The following L3HYPDH variants were observed in gnomAD, a reference collection of about 807,000 sequenced individuals.
The protein encoded by L3HYPDH is trans-3-hydroxy-L-proline dehydratase.
A neutral mutation model predicts 26.5 loss-of-function variants in L3HYPDH; 32 were observed. The observed-to-expected ratio is 1.21, with a 90% CI of 0.91 to 1.62. L3HYPDH has a LOEUF of 1.62. L3HYPDH is among the 40% of genes most tolerant of loss of function. The probability of loss-of-function intolerance (pLI) is 0.00; values close to 1 mark genes in which losing one functional copy is unlikely to be tolerated. For missense variants in L3HYPDH, 554 were observed against 476.4 expected (o/e 1.16, Z -1.52); for synonymous variants, 215 against 196.6 (o/e 1.09, Z -0.78).
Position 59,483,845 on chromosome 14 carries a change from G to C in L3HYPDH, c.472C>G (p.Arg158Gly). Residue 158 changes from arginine (R) to glycine (G), a missense_variant, in exon 1 of 5, where the codon CGC becomes GGC. Arg to Gly is a moderately radical substitution (Grantham distance 125). Transcript: ENST00000247194. The part of the protein sequence containing the change: ...CEDGRSHGPV[R>G]FHSVPAFVLA... ...ACGAAGGCCGGGACGCTGTGGAAGC[G>C]CACCGGTCCGTGGCTGCGGCCGTCC... 1 of 1,587,858 alleles carries C rather than the reference G, an allele frequency of 6.3e-7. No homozygotes were observed. Among genetic ancestry groups the C allele is most frequent in the Non-Finnish European group, 8.5e-7 (1 of 1,174,284 alleles).
At chr14:59,486,728 C>G (rs1052828790), upstream of L3HYPDH, 12 of 1,589,562 alleles carry the variant, frequency 7.5e-6, no homozygotes, top group African/African-American at 1.6e-4. Context: ...GATATTCAAC[C>G]AGCATGCCTT....
At chr14:59,495,422 T>C in the L3HYPDH span, 16 of 542,412 alleles carry the variant, frequency 2.9e-5, no homozygotes, top group South Asian at 3.1e-4. Context: ...ATGATCCTTA[T>C]AAGGTGTCGT....
the L3HYPDH span, among the ~76,000 whole-genome samples, chr14:59,492,811 T>C: frequency 6.6e-6 from 1 of 151,454 alleles, no homozygotes; most frequent in Non-Finnish European, 1.5e-5. Flanking sequence ...TTTTTTTTTT[T>C]TTTTTGAGAC....
At chr14:59,504,003 T>G in the L3HYPDH span, 1 of 1,613,782 alleles carries the variant, frequency 6.2e-7, no homozygotes, top group Non-Finnish European at 8.5e-7. Context: ...CACCAGCCCT[T>G]TTTTACTTGT....
the L3HYPDH span, among the ~76,000 whole-genome samples, chr14:59,500,685 T>G: frequency 6.6e-6 from 1 of 152,198 alleles, no homozygotes; most frequent in African/African-American, 2.4e-5. Flanking sequence ...TTGACCATTT[T>G]TTTGAATTCT....
upstream of L3HYPDH, chr14:59,487,513 TTTC>T: frequency 1.8e-6 from 1 of 556,138 alleles, no homozygotes; most frequent in Non-Finnish European, 3.2e-6. Flanking sequence ...ACAATATAGA[TTTC>T]TTTTTATTTT....
At chr14:59,478,999 C>G in intron 2 of L3HYPDH, 183 bp downstream of exon 2, 1 of 474,688 alleles carries the variant, frequency 2.1e-6, no homozygotes, top group Non-Finnish European at 3.6e-6. Flanking sequence ...TCCTGGGCTG[C>G]ATGTGGCTCA....
chr14:59,482,577 T>C (rs1184666975), intron 1 of L3HYPDH, among the ~76,000 whole-genome samples: 1 of 152,182 alleles, frequency 6.6e-6, no homozygotes, highest in Non-Finnish European at 1.5e-5. Context: ...AAAAATGGAA[T>C]CGTAAACATA....
chr14:59,476,250 A>G (rs1407494881), intron 2 of L3HYPDH, 36 bp from the exon 3 acceptor site: 3 of 1,430,400 alleles, frequency 2.1e-6, no homozygotes, highest in South Asian at 1.2e-5. Context: ...TGCAAAATAA[A>G]TATTTTGATT....
At chr14:59,502,105 G>A in the L3HYPDH span, among the ~76,000 whole-genome samples, 1 of 151,656 alleles carries the variant, frequency 6.6e-6, no homozygotes. Context: ...AATCAAAATG[G>A]GCATTCTTGT....
chr14:59,484,020 G>C lies in L3HYPDH; in HGVS notation c.297C>G (p.Gly99=), dbSNP rs1225466918. 3.1e-6 allele frequency: 5 copies of C among 1,603,518 alleles called. No homozygotes were observed. Among genetic ancestry groups the C allele is most frequent in the Admixed American group, 3.3e-5 (2 of 59,720 alleles). Reference sequence around the variant, plus strand: ...CTGCGTGGCCGCACATGGAGCTGTAGCCCTCGTTGTGCAGGAACAGGACGC... The same window carrying C: ...CTGCGTGGCCGCACATGGAGCTGTACCCCTCGTTGTGCAGGAACAGGACGC... ...HLGVLFLHNE[G]YSSMCGHAVL... The change falls in exon 1 of 5, where the codon GGC becomes GGG. Residue 99 remains glycine (G), a synonymous_variant. Coordinates refer to ENST00000247194, the MANE Select transcript of L3HYPDH (RefSeq NM_144581.2).
intron 1 of L3HYPDH, among the ~76,000 whole-genome samples, chr14:59,479,658 A>G (rs1889878423): frequency 6.6e-6 from 1 of 152,214 alleles, no homozygotes; most frequent in Non-Finnish European, 1.5e-5. Flanking sequence ...TGAGGCCGAG[A>G]GAGGGAAACC....
At chr14:59,470,314 T>A (rs1489643664), downstream of L3HYPDH, among the ~76,000 whole-genome samples, 2 of 152,204 alleles carry the variant, frequency 1.3e-5, no homozygotes, top group Non-Finnish European at 2.9e-5. Flanking sequence ...CCCCACCCCG[T>A]GTCTGATGAA....
chr14:59,482,811 T>C (rs1433123135), intron 1 of L3HYPDH, among the ~76,000 whole-genome samples: 1 of 152,244 alleles, frequency 6.6e-6, no homozygotes, highest in Non-Finnish European at 1.5e-5. Flanking sequence ...ATGATTTGCA[T>C]GGCTTGAAGA....
chr14:59,485,704 G>A, upstream of L3HYPDH: 1 of 152,770 alleles, frequency 6.5e-6, no homozygotes, highest in Non-Finnish European at 1.5e-5. Context: ...TGCAACCTCT[G>A]CCTCCTGGGT....
At chr14:59,492,141 AAAGT>A in the L3HYPDH span, among the ~76,000 whole-genome samples, 3 of 152,190 alleles carry the variant, frequency 2.0e-5, no homozygotes, top group African/African-American at 4.8e-5. Flanking sequence ...ACCTATAAAG[AAAGT>A]AAGGATGTAG....
At chr14:59,489,620 C>T in the L3HYPDH span, among the ~76,000 whole-genome samples, 17 of 152,246 alleles carry the variant, frequency 1.1e-4, no homozygotes, top group African/African-American at 3.1e-4. Context: ...ATCTTTATAG[C>T]ACTGCCCTAC....
chr14:59,475,524 A>G (rs965244485), intron 4 of L3HYPDH, among the ~76,000 whole-genome samples: 1 of 152,216 alleles, frequency 6.6e-6, no homozygotes, highest in Non-Finnish European at 1.5e-5. Context: ...CTAGGTTCTC[A>G]TATCTAGCTT....
At chr14:59,481,758 A>G (rs1890040047) in intron 1 of L3HYPDH, among the ~76,000 whole-genome samples, 1 of 152,246 alleles carries the variant, frequency 6.6e-6, no homozygotes, top group Non-Finnish European at 1.5e-5. Context: ...ATATCTCCTT[A>G]AACTACAAAA....
Sources: allele counts gnomAD v4.1 joint callset (sites outside exome capture counted in the v4.1 genomes callset), GRCh38; gene constraint gnomAD v4.1.1; transcripts MANE v1.5; gene names NCBI Gene and HGNC (gene_info 2026-07-23, HGNC 2026-07-21).